Variants in SKA2 observed in about 807,000 individuals in gnomAD.
The protein encoded by SKA2 is spindle and kinetochore-associated protein 2.
In SKA2, 13 loss-of-function variants were observed where a neutral mutation model predicts 16.9. The observed-to-expected ratio is 0.77, with a 90% confidence interval of 0.50 to 1.22. The LOEUF (loss-of-function observed/expected upper bound fraction) is 1.22, where lower values mean the gene tolerates loss of function less well. Ranked by LOEUF, SKA2 falls within the 50% of genes most tolerant of loss-of-function variation. The probability of loss-of-function intolerance (pLI) is 0.00; values close to 1 mark genes in which losing one functional copy is unlikely to be tolerated. For synonymous variants in SKA2, 47 were observed against 48.5 expected (o/e 0.97, Z 0.13); for missense variants, 107 against 139.7 (o/e 0.77, Z 1.18).
chr17:59,142,927 C>CAA (rs111796693), intron 1 of SKA2, among the ~76,000 whole-genome samples: 179 of 59,642 alleles, frequency 3.0e-3, no homozygotes, highest in Middle Eastern at 0.013. Context: ...AACCCCATCT[C>CAA]AAAAAAAAAA....
chr17:59,134,655 A>T (rs553803939), intron 1 of SKA2, among the ~76,000 whole-genome samples: 1 of 151,762 alleles, frequency 6.6e-6, no homozygotes, highest in Non-Finnish European at 1.5e-5. Flanking sequence ...GGGTTCAAGC[A>T]ATTCTCCTGC....
chr17:59,122,707 T>C (rs1336128681), intron 2 of SKA2, among the ~76,000 whole-genome samples: 1 of 152,174 alleles, frequency 6.6e-6, no homozygotes, highest in Admixed American at 6.5e-5. Context: ...GGAGGATCAC[T>C]TGGGCCTGGG....
At chr17:59,118,699 A>C (rs1033454191) in intron 3 of SKA2, among the ~76,000 whole-genome samples, 9 of 152,186 alleles carry the variant, frequency 5.9e-5, no homozygotes, top group Admixed American at 5.9e-4. Context: ...TCCATCATTC[A>C]TCTCCTTGTG....
intron 3 of SKA2, among the ~76,000 whole-genome samples, chr17:59,114,505 T>G (rs2046283824): frequency 2.0e-5 from 3 of 152,238 alleles, no homozygotes; most frequent in African/African-American, 7.2e-5. Context: ...GGTATTTTTA[T>G]ATCTAAACAT....
In SKA2 at chr17:59,112,050, T is replaced by G. The variant is rs1331109081; in HGVS notation, c.*227A>C. On this transcript the variant is annotated 3_prime_UTR_variant, in exon 4 of 4. Transcript: ENST00000330137. ...GTGTGCATGCGTGTGTACATATATT[T>G]AAATCGTTTTATTCTCATTTGATCC... 9.6e-6 allele frequency: 5 copies of G among 518,264 alleles called. No individual in the cohort carries two copies. Among genetic ancestry groups the G allele is most frequent in the Non-Finnish European group, 1.8e-5 (5 of 285,288 alleles). The allele number at this position is 518,264 out of a possible 1,614,324, so 32.1% of individuals were successfully genotyped here.
rs750110383 is a variant in SKA2 at position 59,155,126 on chromosome 17, C to G, written c.33+5G>C. The G allele has an allele frequency of 4.3e-6, 7 of 1,613,918 alleles. No homozygotes were observed. The East Asian group carries it at 6.7e-5, about 15-fold the overall frequency. ...CCCAGTAGATCTCCTTCACTTTGCA[C>G]TCACCATCAGTTCCAGCTTATCGAC... On this transcript the variant is annotated splice_donor_5th_base_variant and intron_variant, in intron 1 of 3. Transcript: ENST00000330137.
At chr17:59,123,937 G>A (rs771946846) in intron 2 of SKA2, among the ~76,000 whole-genome samples, 3 of 152,064 alleles carry the variant, frequency 2.0e-5, no homozygotes, top group East Asian at 1.9e-4. Flanking sequence ...ATAACAGTTC[G>A]TATCCAGGAA....
intron 1 of SKA2, among the ~76,000 whole-genome samples, chr17:59,145,883 G>C (rs553671704): frequency 6.6e-6 from 1 of 151,920 alleles, no homozygotes; most frequent in African/African-American, 2.4e-5. Context: ...TCAGCTACTC[G>C]TAAGGCTGAG....
At chr17:59,136,681 T>G (rs1440629067) in intron 1 of SKA2, among the ~76,000 whole-genome samples, 1 of 151,900 alleles carries the variant, frequency 6.6e-6, no homozygotes, top group Non-Finnish European at 1.5e-5. Flanking sequence ...CCCGAGCGGA[T>G]GGGACTATAG....
At chr17:59,154,982 G>A (rs1456580781) in intron 1 of SKA2, 149 bp downstream of exon 1, 3 of 1,614,006 alleles carry the variant, frequency 1.9e-6, no homozygotes, top group East Asian at 2.2e-5. Context: ...ACCAGACGGT[G>A]GCGGCTCCCT....
Position 59,151,163 on chromosome 17 carries a change from A to G in SKA2, c.33+3968T>C, listed in dbSNP as rs1173179396. 5.9e-6 allele frequency: 3 copies of G among 511,656 alleles called. 1 individual carries two copies. The highest frequency in any genetic ancestry group is 4.3e-5 in the South Asian group (3 of 68,998). 31.7% of individuals were successfully genotyped at this position (511,656 alleles called of 1,614,324 possible). ...TGCTTTCAGATGCTTTGACAATACTATTGCACTGCTAGCTGTAAAGTACAG... is the reference window on the plus strand; with the variant it reads ...TGCTTTCAGATGCTTTGACAATACTGTTGCACTGCTAGCTGTAAAGTACAG... On this transcript the variant is annotated intron_variant, in intron 1 of 3. Transcript: ENST00000330137.
intron 3 of SKA2, among the ~76,000 whole-genome samples, chr17:59,118,891 T>C (rs1265938732): frequency 6.6e-6 from 1 of 152,104 alleles, no homozygotes; most frequent in Non-Finnish European, 1.5e-5. Flanking sequence ...TAGTGTAGAG[T>C]TGGCAAATAA....
chr17:59,147,856 T>A (rs1385904094), intron 1 of SKA2, among the ~76,000 whole-genome samples: 1 of 151,906 alleles, frequency 6.6e-6, no homozygotes, highest in Non-Finnish European at 1.5e-5. Flanking sequence ...ATTTTTTTTT[T>A]ATTTGAGACA....
chr17:59,131,276 A>T lies in SKA2; in HGVS notation c.120+5T>A. On this transcript the variant is annotated splice_donor_5th_base_variant and intron_variant, in intron 2 of 3. Transcript: ENST00000330137. ...TTTTTTAAGCTTATTTATTTCGGAGATTACCTCACTTGCTGAATCAGGATG... is the reference window on the plus strand; with the variant it reads ...TTTTTTAAGCTTATTTATTTCGGAGTTTACCTCACTTGCTGAATCAGGATG... The T allele has an allele frequency of 6.4e-7, 1 of 1,568,564 alleles. No individual in the cohort carries two copies. Among genetic ancestry groups the T allele is most frequent in the South Asian group, 1.2e-5 (1 of 84,728 alleles).
chr17:59,138,117 C>T (rs1361741575), intron 1 of SKA2, among the ~76,000 whole-genome samples: 2 of 151,818 alleles, frequency 1.3e-5, no homozygotes, highest in Non-Finnish European at 2.9e-5. Context: ...TTTCAGAAAC[C>T]AGTTTTCTCT....
intron 1 of SKA2, among the ~76,000 whole-genome samples, chr17:59,142,786 G>A (rs1381369842): frequency 2.0e-5 from 3 of 151,612 alleles, no homozygotes; most frequent in African/African-American, 7.3e-5. Context: ...AATTAGTCAG[G>A]TGTGGTGGTG....
intron 1 of SKA2, among the ~76,000 whole-genome samples, chr17:59,152,330 C>T (rs2046583754): frequency 6.6e-6 from 1 of 152,056 alleles, no homozygotes. Flanking sequence ...ACTACTTAGT[C>T]GGATTGAGCC....
intron 1 of SKA2, chr17:59,151,182 A>G: frequency 1.9e-6 from 1 of 513,308 alleles, no homozygotes; most frequent in Non-Finnish European, 4.1e-6. Flanking sequence ...CTAGCTGTAA[A>G]GTACAGTAGT....
At chr17:59,140,269 C>A (rs1221362621) in intron 1 of SKA2, among the ~76,000 whole-genome samples, 2 of 151,910 alleles carry the variant, frequency 1.3e-5, no homozygotes, top group African/African-American at 4.8e-5. Flanking sequence ...CGCTCTTGTC[C>A]CCCAGGCTGA....
Sources: gnomAD v4.1 joint callset for allele counts (sites outside exome capture counted in the v4.1 genomes callset) on GRCh38, gnomAD v4.1.1 for gene constraint, MANE v1.5 for transcripts, NCBI Gene and HGNC (gene_info 2026-07-23, HGNC 2026-07-21) for gene names.